The following ZSWIM6 variants were observed in gnomAD, a reference collection of about 807,000 sequenced individuals.
The protein encoded by ZSWIM6 is zinc finger SWIM-type containing 6.
ZSWIM6 carries 9 observed loss-of-function variants against 113.2 expected under a neutral mutation model. The observed-to-expected ratio is 0.08, with a 90% CI of 0.05 to 0.14. The LOEUF (loss-of-function observed/expected upper bound fraction) is 0.14. Among genes scored for constraint, ZSWIM6 ranks in the 10% least tolerant of loss-of-function variants. The probability of loss-of-function intolerance (pLI) is 1.00; values close to 1 mark genes in which losing one functional copy is unlikely to be tolerated. For missense variants in ZSWIM6, 1,162 were observed against 1,552.2 expected (o/e 0.75, Z 4.22); for synonymous variants, 611 against 606.5 (o/e 1.01, Z -0.11).
intron 1 of ZSWIM6, among the ~76,000 whole-genome samples, chr5:61,368,368 T>TATTA (rs547504593): frequency 1.8e-3 from 270 of 152,316 alleles, no homozygotes; most frequent in African/African-American, 6.3e-3. Flanking sequence ...AAAGTATTCA[T>TATTA]ATTAATTGGT....
Position 61,354,871 on chromosome 5 carries a change from GATC to G in ZSWIM6, c.676+21928_676+21930del, listed in dbSNP as rs1744867425. ...ATATTCCATTCTTAGACTGCATTTT[GATC>G]ATCAACTGTATTAAGGCAATATATG... is the stretch of plus-strand genomic sequence containing the variant. On this transcript the variant is annotated intron_variant, in intron 1 of 13. Coordinates refer to ENST00000252744, the MANE Select transcript of ZSWIM6 (RefSeq NM_020928.2). Among the ~76,000 whole-genome samples the G allele has an allele frequency of 3.9e-5, 6 of 152,070 alleles. No individual in the cohort carries two copies. In the South Asian group the frequency reaches 1.2e-3, roughly 31 times the overall value.
intron 4 of ZSWIM6, among the ~76,000 whole-genome samples, chr5:61,513,306 C>T (rs1427732704): frequency 6.6e-6 from 1 of 151,934 alleles, no homozygotes; most frequent in Non-Finnish European, 1.5e-5. Context: ...ATAGTCTTTT[C>T]TTTGCCCAGT....
At chr5:61,532,484 G>A (rs981146036) in intron 9 of ZSWIM6, among the ~76,000 whole-genome samples, 11 of 152,108 alleles carry the variant, frequency 7.2e-5, no homozygotes, top group African/African-American at 2.7e-4. Flanking sequence ...TGTTATTAGT[G>A]TGTTATTATG....
At chr5:61,518,273 G>C (rs1235738561) in intron 4 of ZSWIM6, among the ~76,000 whole-genome samples, 1 of 151,904 alleles carries the variant, frequency 6.6e-6, no homozygotes, top group African/African-American at 2.4e-5. Context: ...CTTTATAGCA[G>C]CATGATTTAT....
chr5:61,529,978 C>A, intron 7 of ZSWIM6, 74 bp from the exon 8 acceptor site: 3 of 1,314,946 alleles, frequency 2.3e-6, no homozygotes, highest in South Asian at 3.5e-5. Flanking sequence ...AATGGTAAAG[C>A]CTCTGTTTTC....
At chr5:61,445,845 C>A (rs1182627939) in intron 1 of ZSWIM6, among the ~76,000 whole-genome samples, 2 of 152,102 alleles carry the variant, frequency 1.3e-5, no homozygotes, top group Admixed American at 6.6e-5. Context: ...TTGGGGGTGA[C>A]AGTGTTATCC....
intron 3 of ZSWIM6, 114 bp from the exon 4 acceptor site, chr5:61,494,146 G>GGA (rs1554038307): frequency 2.1e-4 from 138 of 652,674 alleles, no homozygotes; most frequent in Middle Eastern, 5.5e-4. Context: ...ACACACACAC[G>GGA]GAGAGAGAGA....
chr5:61,519,330 T>C (rs1749049285), intron 4 of ZSWIM6, among the ~76,000 whole-genome samples: 1 of 152,178 alleles, frequency 6.6e-6, no homozygotes, highest in Non-Finnish European at 1.5e-5. Context: ...CCTTTTTCCC[T>C]GTGCTTACAC....
chr5:61,529,254 C>T (rs541632400), intron 7 of ZSWIM6, among the ~76,000 whole-genome samples: 1 of 152,292 alleles, frequency 6.6e-6, no homozygotes, highest in African/African-American at 2.4e-5. Context: ...CTTTAGTAAA[C>T]ACTTAGATGT....
intron 1 of ZSWIM6, among the ~76,000 whole-genome samples, chr5:61,448,960 A>C (rs1371442554): frequency 6.6e-6 from 1 of 152,200 alleles, no homozygotes; most frequent in African/African-American, 2.4e-5. Flanking sequence ...CCTGCTGGCA[A>C]ACCTCACAAA....
chr5:61,483,358 G>A (rs1051993249), intron 2 of ZSWIM6, among the ~76,000 whole-genome samples: 9 of 152,086 alleles, frequency 5.9e-5, no homozygotes, highest in African/African-American at 1.7e-4. Flanking sequence ...CTCTTAAAAG[G>A]CCCCACCTTT....
At position 61,396,031 on chromosome 5, in the gene ZSWIM6, G is replaced by A. The variant is rs535863786; in HGVS notation, c.676+63083G>A. Among the ~76,000 whole-genome samples the A allele has an allele frequency of 7.2e-5, 11 of 152,178 alleles. No individual in the cohort carries two copies. The South Asian group carries it at 1.9e-3, about 26-fold the overall frequency. ...TTCTGTACAAGTCTACAGATAAACC[G>A]AGATTGGAAAGTACAGTCTGGTGTT... On this transcript the variant is annotated intron_variant, in intron 1 of 13. Transcript: ENST00000252744.
intron 1 of ZSWIM6, among the ~76,000 whole-genome samples, chr5:61,427,654 T>A (rs990195141): frequency 1.3e-5 from 2 of 152,110 alleles, no homozygotes; most frequent in Non-Finnish European, 2.9e-5. Flanking sequence ...AATTTTTATT[T>A]TTTTTTTGTA....
chr5:61,334,366 C>A (rs1744342843), intron 1 of ZSWIM6, among the ~76,000 whole-genome samples: 1 of 152,206 alleles, frequency 6.6e-6, no homozygotes, highest in African/African-American at 2.4e-5. Context: ...TGACCCCCTC[C>A]CATGTTAGTG....
At chr5:61,484,369 CTG>C (rs1231318811) in intron 2 of ZSWIM6, among the ~76,000 whole-genome samples, 2 of 152,104 alleles carry the variant, frequency 1.3e-5, no homozygotes, top group South Asian at 2.1e-4. Context: ...AGATGGAAGA[CTG>C]TATTATTTAG....
rs1393958748 is a variant in ZSWIM6 at position 61,475,419 on chromosome 5, A to G, written c.1033+2382A>G. ...ATGAAACAATGTAAACTAAGGTTGG[A>G]TGAGAGAATGTGTTCACGTGATGTA... On this transcript the variant is annotated intron_variant, in intron 2 of 13. Coordinates refer to ENST00000252744, the MANE Select transcript of ZSWIM6 (RefSeq NM_020928.2). Among the ~76,000 whole-genome samples, 4 of 152,324 alleles carry G rather than the reference A, an allele frequency of 2.6e-5. No individual in the cohort carries two copies. In the East Asian group the frequency reaches 7.7e-4, roughly 29 times the overall value.
Position 61,332,339 on chromosome 5 carries a change from G to GGGGGCAGCA in ZSWIM6, c.68_69insGGGCAGCAG (p.Gly24_Gly25insSerSerGly), listed in dbSNP as rs1399324651. The GGGGGCAGCA allele has an allele frequency of 1.2e-5, 13 of 1,065,876 alleles. No homozygotes were observed. Among genetic ancestry groups the GGGGGCAGCA allele is most frequent in the Non-Finnish European group, 1.5e-5 (13 of 867,758 alleles). The allele number at this position is 1,065,876 out of a possible 1,614,324, so 66.0% of individuals were successfully genotyped here. A position where few individuals can be genotyped will look rare whatever the true frequency, so the allele number is the denominator to read the frequency against. Reference sequence around the variant, plus strand: ...TTGCTGCCGGCCGGGCGGCGGCGGCGGCGGCGGGGGCAGCAGCGGCGGCGG... The same window carrying GGGGGCAGCA: ...TTGCTGCCGGCCGGGCGGCGGCGGCGGGGGCAGCAGCGGCGGGGGCAGCAGCGGCGGCGG... On this transcript the variant is annotated inframe_insertion, in exon 1 of 14. Coordinates refer to ENST00000252744, the MANE Select transcript of ZSWIM6 (RefSeq NM_020928.2).
Position 61,543,953 on chromosome 5 carries a change from T to C in ZSWIM6, c.3284T>C (p.Val1095Ala). The change falls in exon 14 of 14, where the codon GTC becomes GCC. Residue 1095 changes from valine to alanine, a missense_variant. Around this residue, in one of 4 missense-constraint regions of ZSWIM6, gnomAD observed 113 missense variants for 213.8 expected, o/e 0.53. Transcript: ENST00000252744. This position sits in a 1 kb window ranked among gnomAD's most constrained non-coding sequence, Gnocchi z 4.3. ...NELAAIIPLVVKSVKCATVLS... is the reference protein window; with the variant it reads ...NELAAIIPLVAKSVKCATVLS... ...CTTGCAGCTATAATACCTCTGGTGG[T>C]CAAGAGTGTCAAGTGTGCAACGGTA... is the stretch of plus-strand genomic sequence containing the variant. 2 of 1,551,782 alleles carry C rather than the reference T, an allele frequency of 1.3e-6. No homozygotes were observed. The highest frequency in any genetic ancestry group is 2.4e-5 in the South Asian group (2 of 84,062).
chr5:61,443,082 TG>T (rs1746873340), intron 1 of ZSWIM6, among the ~76,000 whole-genome samples: 1 of 152,164 alleles, frequency 6.6e-6, no homozygotes, highest in South Asian at 2.1e-4. Context: ...TCTAGTCCAA[TG>T]GCACACTCTC....
Sources: gnomAD v4.1 joint callset for allele counts (sites outside exome capture counted in the v4.1 genomes callset) on GRCh38, gnomAD v4.1.1 for gene constraint, gnomAD v4.1.1 regional missense constraint, Gnocchi (gnomAD v3.1) non-coding constraint, MANE v1.5 for transcripts, NCBI Gene and HGNC (gene_info 2026-07-23, HGNC 2026-07-21) for gene names.